CHSY3: variants seen among roughly 807,000 people sequenced by gnomAD.
The protein encoded by CHSY3 is chondroitin sulfate synthase 3.
In CHSY3, 35 loss-of-function variants were observed where a neutral mutation model predicts 67.2. That is an observed-to-expected ratio of 0.52 (90% CI 0.40 to 0.69). CHSY3 has a LOEUF of 0.69. Ranked by LOEUF, CHSY3 falls within the 30% of genes least tolerant of loss-of-function variation. CHSY3 has a pLI of 0.00. For missense variants in CHSY3, 1,069 were observed against 1,138.5 expected (o/e 0.94, Z 0.88); for synonymous variants, 474 against 434.7 (o/e 1.09, Z -1.12).
intron 2 of CHSY3, among the ~76,000 whole-genome samples, chr5:129,995,492 CT>C (rs962321943): frequency 2.0e-5 from 3 of 149,252 alleles, no homozygotes; most frequent in African/African-American, 4.9e-5. Flanking sequence ...CATCTGTGTA[CT>C]TTTTTTTTCT....
chr5:130,076,040 A>T (rs1309830118), intron 2 of CHSY3, among the ~76,000 whole-genome samples: 4 of 152,070 alleles, frequency 2.6e-5, no homozygotes, highest in Non-Finnish European at 5.9e-5. Context: ...CTTCTTTGAA[A>T]CTATACTTAT....
intron 2 of CHSY3, among the ~76,000 whole-genome samples, chr5:129,998,891 GT>G (rs1233219342): frequency 6.6e-6 from 1 of 151,830 alleles, no homozygotes; most frequent in Non-Finnish European, 1.5e-5. Flanking sequence ...ACTTTACCAT[GT>G]TTTTTATGCA....
chr5:129,907,929 T>TA, intron 1 of CHSY3, 148 bp from the exon 2 acceptor site: 1 of 1,358,900 alleles, frequency 7.4e-7, no homozygotes, highest in Non-Finnish European at 9.6e-7. Context: ...TTAAAAATAA[T>TA]AGAGTATTGG....
At chr5:130,170,955 C>A (rs10079678) in intron 2 of CHSY3, among the ~76,000 whole-genome samples, 143,892 of 152,148 alleles carry the variant, frequency 0.95, 68,157 homozygotes, top group East Asian at 1. Context: ...GCTCTGAACC[C>A]ATCATTTACA....
At chr5:130,023,157 T>C (rs1485387332) in intron 2 of CHSY3, among the ~76,000 whole-genome samples, 2 of 151,968 alleles carry the variant, frequency 1.3e-5, no homozygotes, top group South Asian at 2.1e-4. Flanking sequence ...ATTCTTTCTT[T>C]AGAAGTGGGA....
chr5:130,027,726 G>GT (rs1764588884), intron 2 of CHSY3, among the ~76,000 whole-genome samples: 1 of 151,798 alleles, frequency 6.6e-6, no homozygotes, highest in South Asian at 2.1e-4. Flanking sequence ...GCGGTGTTGC[G>GT]TTTTTTGTTC....
intron 2 of CHSY3, among the ~76,000 whole-genome samples, chr5:130,159,005 T>A (rs1406537635): frequency 6.6e-6 from 1 of 152,084 alleles, no homozygotes. Context: ...TTCACCATGT[T>A]GCCCAGTCTG....
chr5:130,071,343 T>C (rs1766058951), intron 2 of CHSY3, among the ~76,000 whole-genome samples: 1 of 152,080 alleles, frequency 6.6e-6, no homozygotes, highest in Non-Finnish European at 1.5e-5. Context: ...AGGTTTCACA[T>C]GCAAAATAAA....
chr5:129,943,477 A>C (rs1355725116), intron 2 of CHSY3, among the ~76,000 whole-genome samples: 1 of 152,226 alleles, frequency 6.6e-6, no homozygotes, highest in Non-Finnish European at 1.5e-5. Context: ...TTGTAAATTA[A>C]ATATGTGTAG....
chr5:130,013,263 C>T lies in CHSY3; in HGVS notation c.1086+104903C>T, dbSNP rs78267114. ...TGAGTGTCCCTGGCTTTCACAGGCA[C>T]ATGGTGTAAGCTGTTGGTGGATCTA... On this transcript the variant is annotated intron_variant, in intron 2 of 2. Coordinates refer to ENST00000305031, the MANE Select transcript of CHSY3 (RefSeq NM_175856.5). Among the ~76,000 whole-genome samples, 374 of 152,282 alleles carry T rather than the reference C, an allele frequency of 2.5e-3. 1 individual carries two copies. The highest frequency in any genetic ancestry group is 7.7e-3 in the African/African-American group (321 of 41,556).
chr5:130,077,809 A>T (rs1227538354), intron 2 of CHSY3, among the ~76,000 whole-genome samples: 1 of 150,836 alleles, frequency 6.6e-6, no homozygotes, highest in African/African-American at 2.5e-5. Context: ...GTATATATAT[A>T]TACACACATA....
chr5:130,039,944 A>T (rs1764962917), intron 2 of CHSY3, among the ~76,000 whole-genome samples: 2 of 152,078 alleles, frequency 1.3e-5, no homozygotes. Context: ...GAGATTCTGG[A>T]CGTGTGTCTA....
chr5:129,939,249 C>T (rs1001447541), intron 2 of CHSY3, among the ~76,000 whole-genome samples: 3 of 152,122 alleles, frequency 2.0e-5, no homozygotes, highest in Non-Finnish European at 4.4e-5. Flanking sequence ...CCCCAACCCC[C>T]GATTCAGTCA....
At chr5:129,905,905 GTCT>G in intron 1 of CHSY3, 1 of 641,258 alleles carries the variant, frequency 1.6e-6, no homozygotes, top group Non-Finnish European at 2.5e-6. Flanking sequence ...TTGTCCCTTA[GTCT>G]TTACCTCGTC....
chr5:130,143,734 G>GTATATATATATA (rs372062970), intron 2 of CHSY3, among the ~76,000 whole-genome samples: 1 of 94,662 alleles, frequency 1.1e-5, no homozygotes, highest in African/African-American at 4.4e-5. Flanking sequence ...GTGTGTGTGT[G>GTATATATATATA]TATATATATA....
intron 2 of CHSY3, among the ~76,000 whole-genome samples, chr5:129,949,933 G>T (rs536669771): frequency 1.3e-5 from 2 of 152,218 alleles, no homozygotes; most frequent in African/African-American, 2.4e-5. Context: ...GGAGGCTGAG[G>T]GGGGTGGATC....
At chr5:130,144,135 A>C (rs1026736317) in intron 2 of CHSY3, among the ~76,000 whole-genome samples, 1 of 148,364 alleles carries the variant, frequency 6.7e-6, no homozygotes, top group African/African-American at 2.5e-5. Context: ...TTTCCAAGCA[A>C]AAAAAAAAAT....
intron 2 of CHSY3, chr5:130,001,674 C>A: frequency 4.2e-6 from 3 of 709,172 alleles, no homozygotes; most frequent in South Asian, 6.3e-5. Context: ...TATAAGCCTG[C>A]GTCTTGACTA....
intron 2 of CHSY3, among the ~76,000 whole-genome samples, chr5:130,057,934 T>C (rs551814956): frequency 2.0e-5 from 3 of 151,936 alleles, no homozygotes; most frequent in Non-Finnish European, 4.4e-5. Context: ...GACAGAGAGA[T>C]ACAGAGCACC....
Sources: allele counts gnomAD v4.1 joint callset (sites outside exome capture counted in the v4.1 genomes callset), GRCh38; gene constraint gnomAD v4.1.1; transcripts MANE v1.5; gene names NCBI Gene and HGNC (gene_info 2026-07-23, HGNC 2026-07-21).